ILDR2: variants seen among roughly 807,000 people sequenced by gnomAD.
ILDR2 encodes immunoglobulin-like domain-containing receptor 2.
Under a neutral mutation model 66.8 loss-of-function variants are expected in ILDR2, and 25 were observed. That is an observed-to-expected ratio of 0.37 (90% CI 0.27 to 0.52). The LOEUF (loss-of-function observed/expected upper bound fraction) is 0.52, where lower values mean the gene tolerates loss of function less well. Among genes scored for constraint, ILDR2 ranks in the 20% least tolerant of loss-of-function variants. The probability of loss-of-function intolerance (pLI) is 0.88; values close to 1 mark genes in which losing one functional copy is unlikely to be tolerated. For missense variants in ILDR2, 827 were observed against 876.8 expected, an observed-to-expected ratio of 0.94 and a Z score of 0.72; for synonymous variants, 367 against 357.2, an observed-to-expected ratio of 1.03 and a Z score of -0.31.
chr1:166,957,651 A>T, intron 2 of ILDR2, 118 bp downstream of exon 2: 1 of 837,294 alleles, frequency 1.2e-6, no homozygotes, highest in Middle Eastern at 3.7e-4. Flanking sequence ...AATAAAATAA[A>T]AGTCTTGAGG....
chr1:166,955,667 T>C (rs956111745), intron 3 of ILDR2, among the ~76,000 whole-genome samples: 1 of 152,126 alleles, frequency 6.6e-6, no homozygotes, highest in African/African-American at 2.4e-5. Context: ...TGCTAAGGCA[T>C]CAGAATAGTT....
intron 2 of ILDR2, among the ~76,000 whole-genome samples, chr1:166,898,128 T>C (rs1471880658): frequency 6.6e-6 from 1 of 152,110 alleles, no homozygotes; most frequent in African/African-American, 2.4e-5. Flanking sequence ...AAGACACCCA[T>C]AGGAAATGAA....
At chr1:166,935,861 G>A (rs534457150) in intron 5 of ILDR2, among the ~76,000 whole-genome samples, 4 of 152,182 alleles carry the variant, frequency 2.6e-5, no homozygotes, top group Non-Finnish European at 5.9e-5. Context: ...GCTTCAAGGA[G>A]GATCCTGAAC....
chr1:166,944,151 A>G (rs1173000691), intron 3 of ILDR2, among the ~76,000 whole-genome samples: 1 of 152,232 alleles, frequency 6.6e-6, no homozygotes, highest in Non-Finnish European at 1.5e-5. Flanking sequence ...TGCATTGTGA[A>G]TAAAATAACT....
In ILDR2 at chr1:166,909,760, AATATATATAAATATATATATTTATAT is replaced by A. The variant is rs1432821232; in HGVS notation, c.*9569_*9594del. 5 of 62,748 alleles carry A rather than the reference AATATATATAAATATATATATTTATAT, an allele frequency of 8.0e-5. No homozygotes were observed. Among genetic ancestry groups the A allele is most frequent in the Non-Finnish European group, 1.4e-4 (5 of 36,374 alleles). The allele number at this position is 62,748 out of a possible 1,614,324, so 3.9% of individuals were successfully genotyped here. ...ACATATATATATATATATATATATA[AATATATATAAATATATATATTTATAT>A]ATATATATATATATATATATCCTTC... On this transcript the variant is annotated 3_prime_UTR_variant, in exon 10 of 10. Transcript: ENST00000271417.
intron 4 of ILDR2, 54 bp downstream of exon 4, chr1:166,939,460 A>G: frequency 6.9e-7 from 1 of 1,446,656 alleles, no homozygotes; most frequent in South Asian, 1.1e-5. Context: ...TGCAGAAGCA[A>G]GACAGATGGA....
chr1:166,941,646 T>G (rs1052142405), intron 3 of ILDR2, among the ~76,000 whole-genome samples: 3 of 152,220 alleles, frequency 2.0e-5, no homozygotes, highest in Non-Finnish European at 4.4e-5. Flanking sequence ...TTATCAGATA[T>G]GTACTTGATG....
chr1:166,920,626 C>A, intron 9 of ILDR2, 81 bp downstream of exon 9: 1 of 1,314,124 alleles, frequency 7.6e-7, no homozygotes, highest in South Asian at 2.3e-5. Context: ...CCTCCCCGGC[C>A]CCCAGACAGC....
At chr1:166,960,671 C>G (rs1368934186) in intron 1 of ILDR2, among the ~76,000 whole-genome samples, 1 of 152,100 alleles carries the variant, frequency 6.6e-6, no homozygotes. Flanking sequence ...TACATCACCA[C>G]CAGGCTTGAT....
intron 8 of ILDR2, 86 bp downstream of exon 8, chr1:166,922,507 G>T: frequency 2.1e-6 from 2 of 969,712 alleles, no homozygotes; most frequent in Non-Finnish European, 3.3e-6. Flanking sequence ...GATGCTACTG[G>T]ATGGCATCTT....
chr1:166,939,702 C>T, intron 3 of ILDR2, 132 bp from the exon 4 acceptor site: 2 of 681,428 alleles, frequency 2.9e-6, no homozygotes, highest in South Asian at 1.7e-5. Flanking sequence ...ATGAGAAGCA[C>T]ATCACCAAAG....
chr1:166,954,197 C>T (rs1021339269), intron 3 of ILDR2, among the ~76,000 whole-genome samples: 1 of 152,158 alleles, frequency 6.6e-6, no homozygotes, highest in Non-Finnish European at 1.5e-5. Flanking sequence ...CAGTTATCTT[C>T]TCACAGAGGT....
rs267598148 is a variant in ILDR2, at chr1:166,956,750, A to C, written c.482T>G (p.Val161Gly). 1 of 1,614,054 alleles carries C rather than the reference A, an allele frequency of 6.2e-7. No individual in the cohort carries two copies. Among genetic ancestry groups the C allele is most frequent in the African/African-American group, 1.3e-5 (1 of 75,058 alleles). The part of the protein sequence containing the change: ...DDLEGKNEDS[V>G]ELLVLGRTGL... Reference sequence around the variant, plus strand: ...TCACTTACCCAACACCAGCAGTTCCACTGAGTCCTCATTTTTCCCCTCCAG... The same window carrying C: ...TCACTTACCCAACACCAGCAGTTCCCCTGAGTCCTCATTTTTCCCCTCCAG... The change falls in exon 3 of 10, where the codon GTG (valine) becomes GGG (glycine). Residue 161 changes from valine (V) to glycine (G), a missense_variant. By Grantham distance (109) the Val-to-Gly change is moderately radical. Coordinates refer to ENST00000271417, the MANE Select transcript of ILDR2 (RefSeq NM_199351.3).
rs139447773 is a variant in ILDR2 at position 166,927,086 on chromosome 1, G to C, written c.975C>G (p.Ala325=). 3 of 1,609,406 alleles carry C rather than the reference G, an allele frequency of 1.9e-6. No individual in the cohort carries two copies. In the African/African-American group the frequency reaches 4.0e-5, roughly 22 times the overall value. The stretch of plus-strand genomic sequence containing the variant: ...GCTCACATCTGCCTCTCATCCTTCT[G>C]GCTGGATCAAACTGAGCCAGCTCCT... ...VEKELAQFDP[A]RRMRGRYNNT... The change falls in exon 7 of 10, where the codon GCC becomes GCG. Residue 325 remains alanine, a synonymous_variant. Transcript: ENST00000271417.
At chr1:166,939,942 T>C (rs1272336904) in intron 3 of ILDR2, among the ~76,000 whole-genome samples, 1 of 152,238 alleles carries the variant, frequency 6.6e-6, no homozygotes, top group Non-Finnish European at 1.5e-5. Flanking sequence ...ATGTTCAATC[T>C]ACATTTTCAT....
chr1:166,948,380 C>A (rs2101947735), intron 3 of ILDR2, among the ~76,000 whole-genome samples: 1 of 152,186 alleles, frequency 6.6e-6, no homozygotes, highest in Admixed American at 6.5e-5. Flanking sequence ...GTAAAGTCAC[C>A]CTATCTAAAG....
rs187701318 is a variant in ILDR2, at chr1:166,930,640, T to C, written c.881-3460A>G. 3.1e-3 allele frequency among the ~76,000 whole-genome samples: 474 copies of C among 152,308 alleles called. 2 individuals are homozygous for C. Among genetic ancestry groups the C allele is most frequent in the Middle Eastern group, 6.8e-3 (2 of 294 alleles). ...AGCATATGAAACACCAGAAAACCTT[T>C]CCTGGTCCCTCCTCTCCAAGGATGA... On this transcript the variant is annotated intron_variant, in intron 6 of 9. Coordinates refer to ENST00000271417, the MANE Select transcript of ILDR2 (RefSeq NM_199351.3).
chr1:166,926,440 C>T (rs1660298112), intron 7 of ILDR2, among the ~76,000 whole-genome samples: 1 of 152,062 alleles, frequency 6.6e-6, no homozygotes, highest in African/African-American at 2.4e-5. Context: ...AGCCTCTTTG[C>T]TTGCCCCTTA....
Position 166,922,263 on chromosome 1 carries a change from C to CA in ILDR2, c.1211+329dup, listed in dbSNP as rs1413318966. Among the ~76,000 whole-genome samples, 23 of 150,512 alleles carry CA rather than the reference C, an allele frequency of 1.5e-4. No homozygotes were observed. The South Asian group carries it at 2.9e-3, about 19-fold the overall frequency. On this transcript the variant is annotated intron_variant, in intron 8 of 9. Transcript: ENST00000271417. Reference sequence around the variant, plus strand: ...AAAACCCTGTCTCTACCGAAAAAAACAAAAAAAAGATGGAGATGATGGGTG... The same window carrying CA: ...AAAACCCTGTCTCTACCGAAAAAAACAAAAAAAAAGATGGAGATGATGGGTG...
Sources: gnomAD v4.1 joint callset for allele counts (sites outside exome capture counted in the v4.1 genomes callset) on GRCh38, gnomAD v4.1.1 for gene constraint, MANE v1.5 for transcripts, NCBI Gene and HGNC (gene_info 2026-07-23, HGNC 2026-07-21) for gene names.